Variants in NAA35 observed in about 807,000 individuals in gnomAD.
NAA35 encodes the protein MAK10 homolog, amino-acid N-acetyltransferase subunit.
Under a neutral mutation model 101.7 loss-of-function variants are expected in NAA35, and 18 were observed. That is an observed-to-expected ratio of 0.18 (90% CI 0.12 to 0.26). NAA35 has a LOEUF of 0.26. Among genes scored for constraint, NAA35 ranks in the 10% least tolerant of loss-of-function variants. NAA35 has a pLI of 1.00. For missense variants in NAA35, 601 were observed against 886.8 expected, an observed-to-expected ratio of 0.68 and a Z score of 4.09; for synonymous variants, 267 against 273.1, an observed-to-expected ratio of 0.98 and a Z score of 0.22.
At chr9:85,944,224 T>A (rs941014949) in intron 2 of NAA35, among the ~76,000 whole-genome samples, 1 of 152,228 alleles carries the variant, frequency 6.6e-6, no homozygotes, top group Admixed American at 6.5e-5. Context: ...CTTAGTTTTC[T>A]ACTCTGGAAA....
intron 11 of NAA35, among the ~76,000 whole-genome samples, chr9:85,982,347 A>C (rs10868357): frequency 0.1 from 15,283 of 152,182 alleles, 990 homozygotes; most frequent in East Asian, 0.34. Context: ...GAGCAAAAAA[A>C]TCCAGTGAAA....
chr9:86,016,729 A>G (rs1008224906), intron 18 of NAA35, 54 bp downstream of exon 18: 2 of 1,553,502 alleles, frequency 1.3e-6, no homozygotes, highest in Non-Finnish European at 1.7e-6. Context: ...ATTTCTACAG[A>G]TAAATAGATG....
intron 4 of NAA35, among the ~76,000 whole-genome samples, 175 bp from the exon 5 acceptor site, chr9:85,959,618 T>G (rs1829426374): frequency 6.6e-6 from 1 of 152,124 alleles, no homozygotes; most frequent in South Asian, 2.1e-4. Flanking sequence ...GATATATTGT[T>G]TTTAAGAGTA....
chr9:85,971,818 C>T (rs897086014), intron 6 of NAA35, among the ~76,000 whole-genome samples: 6 of 150,676 alleles, frequency 4.0e-5, no homozygotes, highest in Admixed American at 4.0e-4. Flanking sequence ...GTTAGCTCTA[C>T]CTTTGAAATA....
At chr9:86,019,925 G>A (rs1199910206) in intron 21 of NAA35, among the ~76,000 whole-genome samples, 1 of 152,116 alleles carries the variant, frequency 6.6e-6, no homozygotes, top group Non-Finnish European at 1.5e-5. Flanking sequence ...TCCATCAACA[G>A]GGGACTAATA....
At chr9:85,982,470 A>G (rs190296220) in intron 11 of NAA35, among the ~76,000 whole-genome samples, 20 of 152,252 alleles carry the variant, frequency 1.3e-4, no homozygotes, top group African/African-American at 4.3e-4. Context: ...ACCTCCTCCA[A>G]TGAGACTTTC....
intron 22 of NAA35, among the ~76,000 whole-genome samples, chr9:86,021,447 G>A (rs939208871): frequency 1.3e-5 from 2 of 152,180 alleles, no homozygotes; most frequent in Admixed American, 6.5e-5. Flanking sequence ...CGGAGGCACC[G>A]TGGGGGCATT....
intron 6 of NAA35, among the ~76,000 whole-genome samples, chr9:85,962,540 A>T (rs375165266): frequency 6.6e-6 from 1 of 151,786 alleles, no homozygotes. Context: ...AAGTTCATTG[A>T]CTACCTTATT....
At chr9:85,950,896 G>A (rs1286003594) in intron 2 of NAA35, among the ~76,000 whole-genome samples, 1 of 152,114 alleles carries the variant, frequency 6.6e-6, no homozygotes, top group Non-Finnish European at 1.5e-5. Context: ...TAGCACTTTG[G>A]GAGGCCAAGG....
At chr9:86,015,002 A>C (rs970448634) in intron 17 of NAA35, among the ~76,000 whole-genome samples, 1 of 152,018 alleles carries the variant, frequency 6.6e-6, no homozygotes, top group Admixed American at 6.6e-5. Context: ...TTGGGTTGTC[A>C]GTCTTCCCAC....
intron 2 of NAA35, among the ~76,000 whole-genome samples, chr9:85,952,307 C>T (rs1254055398): frequency 7.4e-6 from 1 of 135,632 alleles, no homozygotes; most frequent in East Asian, 2.3e-4. Context: ...TTTTTTGAGA[C>T]GGTGTTTCGC....
At chr9:85,964,771 G>A (rs967716933) in intron 6 of NAA35, among the ~76,000 whole-genome samples, 1 of 152,184 alleles carries the variant, frequency 6.6e-6, no homozygotes, top group Admixed American at 6.5e-5. Context: ...TTTTCAGGGT[G>A]TCACAACTGG....
At chr9:85,994,708 A>C (rs1345201766) in intron 11 of NAA35, among the ~76,000 whole-genome samples, 1 of 152,204 alleles carries the variant, frequency 6.6e-6, no homozygotes, top group Non-Finnish European at 1.5e-5. Context: ...AGTAAAACCA[A>C]AGTACTTGTT....
chr9:85,941,595 G>T, intron 1 of NAA35: 1 of 986,068 alleles, frequency 1.0e-6, no homozygotes, highest in South Asian at 4.7e-5. Context: ...GGAAGCGTGT[G>T]CCCGCCTCAG....
chr9:86,010,251 A>G (rs998796165), intron 15 of NAA35, among the ~76,000 whole-genome samples: 1 of 146,834 alleles, frequency 6.8e-6, no homozygotes, highest in Admixed American at 6.7e-5. Flanking sequence ...CAATAACCAT[A>G]ATAATAATAA....
chr9:85,972,700 A>G (rs1424091421), intron 6 of NAA35, among the ~76,000 whole-genome samples: 2 of 152,134 alleles, frequency 1.3e-5, no homozygotes, highest in Non-Finnish European at 2.9e-5. Context: ...GCCAGTCTCT[A>G]CCATTCCCTA....
rs372301551 is a variant in NAA35, at chr9:85,959,768, A to T, written c.274-25A>T. 9 of 1,567,694 alleles carry T rather than the reference A, an allele frequency of 5.7e-6. No individual in the cohort carries two copies. In the Admixed American group the frequency reaches 7.3e-5, roughly 13 times the overall value. On this transcript the variant is annotated intron_variant, in intron 4 of 22. Transcript: ENST00000361671. ...TAAGTTTAAAAAAATTTCTGCTTAT[A>T]TGTCACATTCTTCCTCCTTTTTAGG...
intron 13 of NAA35, among the ~76,000 whole-genome samples, chr9:86,006,312 C>T (rs1274789029): frequency 6.6e-6 from 1 of 152,126 alleles, no homozygotes; most frequent in Non-Finnish European, 1.5e-5. Flanking sequence ...AGTTGATTGC[C>T]TAAGAGAAGT....
At chr9:85,947,335 C>T (rs951766233) in intron 2 of NAA35, among the ~76,000 whole-genome samples, 5 of 151,594 alleles carry the variant, frequency 3.3e-5, no homozygotes, top group Admixed American at 6.6e-5. Flanking sequence ...ATCTTTTTTG[C>T]CCCCCACAGC....
Sources: gnomAD v4.1 joint callset for allele counts (sites outside exome capture counted in the v4.1 genomes callset) on GRCh38, gnomAD v4.1.1 for gene constraint, MANE v1.5 for transcripts, NCBI Gene and HGNC (gene_info 2026-07-23, HGNC 2026-07-21) for gene names.